CGRRF1: variants seen among roughly 807,000 people sequenced by gnomAD.
CGRRF1 encodes the protein cell growth regulator with ring finger domain 1, also known as cell growth regulator with RING finger domain protein 1.
CGRRF1 carries 32 observed loss-of-function variants against 37.2 expected under a neutral mutation model. The observed-to-expected ratio is 0.86, with a 90% CI of 0.65 to 1.16. The LOEUF is 1.16. CGRRF1 is among the 50% of genes most tolerant of loss of function. The probability of loss-of-function intolerance (pLI) is 0.00; values close to 1 mark genes in which losing one functional copy is unlikely to be tolerated. For missense variants in CGRRF1, 391 were observed against 382.6 expected (o/e 1.02, Z -0.18); for synonymous variants, 141 against 140.3 (o/e 1.00, Z -0.04).
At chr14:54,510,279 TG>T (rs2032108653) in intron 1 of CGRRF1, 2 of 568,992 alleles carry the variant, frequency 3.5e-6, no homozygotes, top group Admixed American at 3.2e-5. Flanking sequence ...TCCGTGTCGC[TG>T]GGGCATCTTG....
chr14:54,532,559 A>G (rs1486924919), intron 4 of CGRRF1, among the ~76,000 whole-genome samples: 1 of 152,194 alleles, frequency 6.6e-6, no homozygotes, highest in African/African-American at 2.4e-5. Flanking sequence ...CACTAGGTAT[A>G]TATATATCAA....
chr14:54,510,112 G>A (rs768497512), intron 1 of CGRRF1, 49 bp downstream of exon 1: 3 of 1,418,564 alleles, frequency 2.1e-6, no homozygotes, highest in Admixed American at 3.4e-5. Flanking sequence ...CGCCAGAGTG[G>A]GGTCGCGACG....
intron 1 of CGRRF1, among the ~76,000 whole-genome samples, chr14:54,511,830 G>A (rs1358111338): frequency 6.6e-6 from 1 of 152,200 alleles, no homozygotes; most frequent in Admixed American, 6.5e-5. Flanking sequence ...GGAAGTCTGG[G>A]CTAAGCACTG....
chr14:54,530,107 G>T lies in CGRRF1; in HGVS notation c.303G>T (p.Gly101=), dbSNP rs751588930. 1.9e-6 allele frequency: 3 copies of T among 1,613,524 alleles called. No individual in the cohort carries two copies. The highest frequency in any genetic ancestry group is 2.5e-6 in the Non-Finnish European group (3 of 1,179,584). The part of the protein sequence containing the change: ...LEDSLLTCYW[G]CSVQKLYEAL... Reference sequence around the variant, plus strand: ...ATAGCCTCCTTACATGCTACTGGGGGTGCAGTGTTCAAAAATTATATGAAG... The same window carrying T: ...ATAGCCTCCTTACATGCTACTGGGGTTGCAGTGTTCAAAAATTATATGAAG... The change falls in exon 3 of 6, where the codon GGG becomes GGT. Residue 101 remains glycine (G), a synonymous_variant. Transcript: ENST00000216420.
chr14:54,517,547 A>G (rs895425517), intron 1 of CGRRF1, among the ~76,000 whole-genome samples: 1 of 152,068 alleles, frequency 6.6e-6, no homozygotes, highest in South Asian at 2.1e-4. Context: ...TCCCTTTGTT[A>G]TCACCCTCAC....
Position 54,509,957 on chromosome 14 carries a change from C to G in CGRRF1, c.-3C>G, listed in dbSNP as rs373074430. On this transcript the variant is annotated 5_prime_UTR_variant, in exon 1 of 6. Transcript: ENST00000216420. The stretch of plus-strand genomic sequence containing the variant: ...GCCGGGCTCTACCCAGAGCAAGACC[C>G]TGATGGCTGCGGTGTTTCTGGTAAC... 1.9e-6 allele frequency: 3 copies of G among 1,610,638 alleles called. No individual in the cohort carries two copies. Among genetic ancestry groups the G allele is most frequent in the East Asian group, 4.5e-5 (2 of 44,872 alleles).
In CGRRF1 at chr14:54,538,413, C is replaced by G. The variant is rs2032637275; in HGVS notation, c.*30C>G. 1 of 1,484,316 alleles carries G rather than the reference C, an allele frequency of 6.7e-7. No homozygotes were observed. Among genetic ancestry groups the G allele is most frequent in the South Asian group, 1.2e-5 (1 of 81,660 alleles). The allele number at this position is 1,484,316 out of a possible 1,614,324, so 91.9% of individuals were successfully genotyped here. A position where few individuals can be genotyped will look rare whatever the true frequency, so the allele number is the denominator to read the frequency against. On this transcript the variant is annotated 3_prime_UTR_variant, in exon 6 of 6. Coordinates refer to ENST00000216420, the MANE Select transcript of CGRRF1 (RefSeq NM_006568.3). Reference sequence around the variant, plus strand: ...ATCGTAACACTGAAAAGTACACTTTCTACTAAAGATGCAGAAATTGATGAT... The same window carrying G: ...ATCGTAACACTGAAAAGTACACTTTGTACTAAAGATGCAGAAATTGATGAT...
intron 1 of CGRRF1, among the ~76,000 whole-genome samples, chr14:54,521,693 C>CTTTT (rs1348280266): frequency 6.6e-6 from 1 of 151,824 alleles, no homozygotes; most frequent in Non-Finnish European, 1.5e-5. Flanking sequence ...TTATTAATGA[C>CTTTT]AGGGTTTCAC....
Position 54,528,666 on chromosome 14 carries a change from G to T in CGRRF1, c.245-1383G>T, listed in dbSNP as rs1336535580. On this transcript the variant is annotated intron_variant, in intron 2 of 5. Transcript: ENST00000216420. ...TATGTGTGTATATGTATTTGTGTAT[G>T]TATAAATAAAATGTTTTCCTTCAGC... is the stretch of plus-strand genomic sequence containing the variant. 2.6e-5 allele frequency among the ~76,000 whole-genome samples: 4 copies of T among 152,216 alleles called. No individual in the cohort carries two copies. In the East Asian group the frequency reaches 7.7e-4, roughly 29 times the overall value.
At chr14:54,514,907 T>TAA (rs1403381997) in intron 1 of CGRRF1, among the ~76,000 whole-genome samples, 2 of 152,172 alleles carry the variant, frequency 1.3e-5, no homozygotes, top group African/African-American at 4.8e-5. Context: ...ATTTGGAAAT[T>TAA]TTAAAGATAT....
intron 4 of CGRRF1, among the ~76,000 whole-genome samples, chr14:54,531,393 T>C (rs2032512401): frequency 6.6e-6 from 1 of 152,190 alleles, no homozygotes; most frequent in East Asian, 1.9e-4. Context: ...TTTTGCCTTA[T>C]GGATCACAGT....
rs1185084754 is a variant in CGRRF1, at chr14:54,510,027, C to T, written c.68C>T (p.Thr23Ile). 1 of 1,613,452 alleles carries T rather than the reference C, an allele frequency of 6.2e-7. No individual in the cohort carries two copies. The highest frequency in any genetic ancestry group is 1.3e-5 in the African/African-American group (1 of 74,876). ...SPLFYIAVVF[T>I]CFIVTTGLVL... ...CTTTTCTACATCGCGGTGGTCTTTA[C>T]CTGCTTCATCGTGACCACCGGCCTG... is the stretch of plus-strand genomic sequence containing the variant. Residue 23 changes from threonine to isoleucine, a missense_variant, in exon 1 of 6, where the codon ACC (threonine) becomes ATC (isoleucine). Coordinates refer to ENST00000216420, the MANE Select transcript of CGRRF1 (RefSeq NM_006568.3).
chr14:54,511,413 G>T (rs900894450), intron 1 of CGRRF1, among the ~76,000 whole-genome samples: 1 of 152,192 alleles, frequency 6.6e-6, no homozygotes, highest in African/African-American at 2.4e-5. Context: ...TTACACAAAA[G>T]TTTGTAATTG....
At chr14:54,511,110 T>C (rs1389355566) in intron 1 of CGRRF1, among the ~76,000 whole-genome samples, 1 of 152,220 alleles carries the variant, frequency 6.6e-6, no homozygotes, top group Non-Finnish European at 1.5e-5. Flanking sequence ...TAAAGAAGGC[T>C]ACGTAAAACG....
At chr14:54,510,337 A>T (rs1425727613) in intron 1 of CGRRF1, 1 of 472,486 alleles carries the variant, frequency 2.1e-6, no homozygotes, top group Non-Finnish European at 3.8e-6. Flanking sequence ...TTTCTAGGCG[A>T]TAAAGCAGCC....
intron 1 of CGRRF1, among the ~76,000 whole-genome samples, chr14:54,522,204 A>G (rs1279366829): frequency 6.6e-6 from 1 of 152,208 alleles, no homozygotes; most frequent in African/African-American, 2.4e-5. Context: ...TTGAATTTGT[A>G]GTATTTTTTA....
intron 1 of CGRRF1, among the ~76,000 whole-genome samples, chr14:54,513,392 A>G (rs910143261): frequency 1.3e-5 from 2 of 152,226 alleles, no homozygotes; most frequent in Admixed American, 6.5e-5. Context: ...GGGAGAAGTG[A>G]GAAGTGAGAT....
At chr14:54,530,432 A>C (rs999181954) in intron 3 of CGRRF1, 1 of 726,874 alleles carries the variant, frequency 1.4e-6, no homozygotes, top group Admixed American at 2.6e-5. Context: ...TATACCCATT[A>C]GCACTGAAAA....
chr14:54,531,195 T>A (rs916698992), intron 4 of CGRRF1, 145 bp downstream of exon 4: 1 of 625,130 alleles, frequency 1.6e-6, no homozygotes, highest in African/African-American at 1.9e-5. Flanking sequence ...TTGGTTTTTA[T>A]ATGTGAAACA....
Sources: allele counts gnomAD v4.1 joint callset (sites outside exome capture counted in the v4.1 genomes callset), GRCh38; gene constraint gnomAD v4.1.1; transcripts MANE v1.5; gene names NCBI Gene and HGNC (gene_info 2026-07-23, HGNC 2026-07-21).